MGAT4C: variants seen among roughly 807,000 people sequenced by gnomAD.
MGAT4C encodes the protein MGAT4 family member C.
Under a neutral mutation model 40.1 loss-of-function variants are expected in MGAT4C, and 19 were observed. That is an observed-to-expected ratio of 0.47 (90% confidence interval 0.33 to 0.70). MGAT4C has a LOEUF of 0.70. Ranked by LOEUF, MGAT4C falls within the 30% of genes least tolerant of loss-of-function variation. The pLI is 0.02. For missense variants in MGAT4C, 491 were observed against 563.2 expected, an observed-to-expected ratio of 0.87 and a Z score of 1.30; for synonymous variants, 181 against 187.1, an observed-to-expected ratio of 0.97 and a Z score of 0.27.
At chr12:86,642,983 G>C (rs1258235324) in intron 2 of MGAT4C, among the ~76,000 whole-genome samples, 1 of 151,682 alleles carries the variant, frequency 6.6e-6, no homozygotes, top group Non-Finnish European at 1.5e-5. Context: ...ATTAAACTTA[G>C]AGTTACCATA....
At chr12:86,698,279 AT>A (rs544772010) in intron 2 of MGAT4C, among the ~76,000 whole-genome samples, 343 of 152,230 alleles carry the variant, frequency 2.3e-3, no homozygotes, top group Non-Finnish European at 3.8e-3. Flanking sequence ...TAAATGACCA[AT>A]ATACAAGTAA....
chr12:86,104,152 G>A (rs1875667683), intron 1 of MGAT4C, among the ~76,000 whole-genome samples: 1 of 151,638 alleles, frequency 6.6e-6, no homozygotes, highest in Non-Finnish European at 1.5e-5. Flanking sequence ...TGAAAACATT[G>A]TCTCTAAAGC....
chr12:86,117,324 AT>A (rs1215828717), intron 1 of MGAT4C, among the ~76,000 whole-genome samples: 2 of 152,164 alleles, frequency 1.3e-5, no homozygotes, highest in Non-Finnish European at 2.9e-5. Context: ...TGTATCAGGG[AT>A]TTTGAGCAGG....
intron 2 of MGAT4C, among the ~76,000 whole-genome samples, chr12:86,630,015 TAAA>T (rs1207028660): frequency 2.1e-4 from 32 of 151,176 alleles, no homozygotes; most frequent in Admixed American, 1.1e-3. Context: ...GCAAAACTAA[TAAA>T]GAAGAAAAGA....
At position 86,199,734 on chromosome 12, in the gene MGAT4C, T is replaced by C. The variant is rs908764956; in HGVS notation, c.-57+56505A>G. On this transcript the variant is annotated intron_variant, in intron 1 of 4. Coordinates refer to ENST00000611864, the MANE Select transcript of MGAT4C (RefSeq NM_001351288.2). ...TGCTTAGTGAAGTACATAATGTAAA[T>C]ATTAATCTCTAAATAAATGTAACAT... Among the ~76,000 whole-genome samples, 4 of 152,146 alleles carry C rather than the reference T, an allele frequency of 2.6e-5. 1 individual carries two copies. The highest frequency in any genetic ancestry group is 4.1e-4 in the South Asian group (2 of 4,834).
chr12:86,276,790 A>T (rs1271167592), intron 4 of MGAT4C, among the ~76,000 whole-genome samples: 1 of 152,088 alleles, frequency 6.6e-6, no homozygotes, highest in East Asian at 1.9e-4. Context: ...GCTAAATGCT[A>T]CTCCATTGTG....
intron 2 of MGAT4C, among the ~76,000 whole-genome samples, chr12:86,531,364 T>C (rs1191512912): frequency 6.6e-6 from 1 of 151,986 alleles, no homozygotes. Context: ...TGGTTGCTGA[T>C]TGGTTTTAGC....
chr12:86,237,584 G>T (rs1017345857), intron 1 of MGAT4C, among the ~76,000 whole-genome samples: 5 of 151,866 alleles, frequency 3.3e-5, no homozygotes, highest in African/African-American at 1.2e-4. Flanking sequence ...TGCTTCTATA[G>T]GTTCAATTTC....
intron 2 of MGAT4C, among the ~76,000 whole-genome samples, chr12:86,639,148 T>A (rs1482994860): frequency 1.3e-5 from 2 of 151,740 alleles, no homozygotes; most frequent in African/African-American, 4.8e-5. Context: ...CACAATGTCA[T>A]TTACCAAAAT....
chr12:86,736,213 C>T (rs2136125017), intron 1 of MGAT4C, among the ~76,000 whole-genome samples: 1 of 151,912 alleles, frequency 6.6e-6, no homozygotes, highest in Non-Finnish European at 1.5e-5. Context: ...GTATCCATGA[C>T]TTTACAGTAA....
intron 1 of MGAT4C, among the ~76,000 whole-genome samples, chr12:86,120,872 G>A (rs1018087294): frequency 1.3e-5 from 2 of 152,190 alleles, no homozygotes; most frequent in Non-Finnish European, 2.9e-5. Context: ...GCCAGCAATG[G>A]AACAAAGCTG....
At chr12:86,148,701 T>C (rs775441139) in intron 1 of MGAT4C, among the ~76,000 whole-genome samples, 2 of 152,170 alleles carry the variant, frequency 1.3e-5, no homozygotes, top group Non-Finnish European at 1.5e-5. Context: ...AAAGACAAAG[T>C]AATAAATATT....
At chr12:86,215,465 G>GTA (rs1289791376) in intron 1 of MGAT4C, among the ~76,000 whole-genome samples, 3 of 152,126 alleles carry the variant, frequency 2.0e-5, no homozygotes, top group Non-Finnish European at 4.4e-5. Context: ...TAAATTAAGA[G>GTA]TATACTCTTT....
chr12:86,538,887 A>G (rs1959122748), intron 2 of MGAT4C, among the ~76,000 whole-genome samples: 1 of 152,160 alleles, frequency 6.6e-6, no homozygotes, highest in Non-Finnish European at 1.5e-5. Flanking sequence ...GATTACAGGC[A>G]TGAGCCACTG....
chr12:86,489,985 T>G (rs1324704556), intron 2 of MGAT4C, among the ~76,000 whole-genome samples: 4 of 152,208 alleles, frequency 2.6e-5, no homozygotes, highest in South Asian at 2.1e-4. Flanking sequence ...TGGAACCAAG[T>G]TGGAAAACAC....
At chr12:86,405,933 TACATTTATAA>T (rs1420127314) in intron 3 of MGAT4C, among the ~76,000 whole-genome samples, 1 of 2,798 alleles carries the variant, frequency 3.6e-4, no homozygotes, top group Non-Finnish European at 5.7e-4. Context: ...ATATTATACA[TACATTTATAA>T]ATACATGTAT....
At chr12:86,027,502 T>G (rs1890346622) in intron 2 of MGAT4C, among the ~76,000 whole-genome samples, 1 of 151,892 alleles carries the variant, frequency 6.6e-6, no homozygotes, top group Non-Finnish European at 1.5e-5. Context: ...TAGAAAAAAT[T>G]TATTTTAAAA....
intron 2 of MGAT4C, among the ~76,000 whole-genome samples, chr12:86,704,950 C>G (rs1950428652): frequency 2.0e-5 from 3 of 152,062 alleles, no homozygotes; most frequent in Admixed American, 2.0e-4. Flanking sequence ...TTTTCTCCCA[C>G]CTTTTCAAAT....
At position 85,971,784 on chromosome 12, in the gene MGAT4C, C is replaced by T. The variant is rs1459377802; in HGVS notation, c.*7505G>A. 6.6e-6 allele frequency: 1 copy of T among 151,130 alleles called. No homozygotes were observed. Among genetic ancestry groups the T allele is most frequent in the Non-Finnish European group, 1.5e-5 (1 of 67,314 alleles). 9.4% of individuals were successfully genotyped at this position (151,130 alleles called of 1,614,324 possible). A position where few individuals can be genotyped will look rare whatever the true frequency, so the allele number is the denominator to read the frequency against. Reference sequence around the variant, plus strand: ...GCAAAATCATGAAGTACAACTTTTCCTCTGCATCCTTTTACCTCATGTTTG... The same window carrying T: ...GCAAAATCATGAAGTACAACTTTTCTTCTGCATCCTTTTACCTCATGTTTG... On this transcript the variant is annotated 3_prime_UTR_variant, in exon 5 of 5. Transcript: ENST00000611864.
Sources: allele counts gnomAD v4.1 joint callset (sites outside exome capture counted in the v4.1 genomes callset), GRCh38; gene constraint gnomAD v4.1.1; transcripts MANE v1.5; gene names NCBI Gene and HGNC (gene_info 2026-07-23, HGNC 2026-07-21).